ADGRA3: variants seen among roughly 807,000 people sequenced by gnomAD.
ADGRA3 encodes the protein G-protein coupled receptor 125.
In ADGRA3, 56 loss-of-function variants were observed where a neutral mutation model predicts 119.8. The observed-to-expected ratio is 0.47, with a 90% CI of 0.38 to 0.58. The LOEUF is 0.58. Among genes scored for constraint, ADGRA3 ranks in the 20% least tolerant of loss-of-function variants. The pLI, the probability that ADGRA3 is intolerant of heterozygous loss-of-function variation, is 0.00. For synonymous variants in ADGRA3, 607 were observed against 623.8 expected, an observed-to-expected ratio of 0.97 and a Z score of 0.40; for missense variants, 1,516 against 1,649.0, an observed-to-expected ratio of 0.92 and a Z score of 1.40.
Position 22,435,367 on chromosome 4 carries a change from C to A in ADGRA3, c.1387G>T (p.Val463Leu), listed in dbSNP as rs146147575. Residue 463 changes from valine (V) to leucine (L), a missense_variant, in exon 10 of 19, where the codon GTG becomes TTG. Val to Leu is a conservative substitution (Grantham distance 32). Coordinates refer to ENST00000334304, the MANE Select transcript of ADGRA3 (RefSeq NM_145290.4). ...CCAAATTTTTCAATCATTTCTGCCA[C>A]AAATATAACATCCATTTTGTCAGAA... Reference protein sequence around the residue: ...NFSDKMDVIFVAEMIEKFGRF... With the variant: ...NFSDKMDVIFLAEMIEKFGRF... The A allele has an allele frequency of 6.2e-7, 1 of 1,613,538 alleles. No homozygotes were observed. The highest frequency in any genetic ancestry group is 8.5e-7 in the Non-Finnish European group (1 of 1,179,592).
chr4:22,437,756 A>G (rs1716452473), intron 8 of ADGRA3, among the ~76,000 whole-genome samples: 1 of 152,178 alleles, frequency 6.6e-6, no homozygotes, highest in South Asian at 2.1e-4. Context: ...CATTTCCCAA[A>G]GTCCTTCTTG....
intron 14 of ADGRA3, among the ~76,000 whole-genome samples, chr4:22,410,856 A>G (rs1715161712): frequency 6.6e-6 from 1 of 152,174 alleles, no homozygotes; most frequent in African/African-American, 2.4e-5. Flanking sequence ...TACATTTAAG[A>G]AAAGGAAAAA....
chr4:22,511,381 T>G (rs1274620842), intron 1 of ADGRA3, among the ~76,000 whole-genome samples: 5 of 152,172 alleles, frequency 3.3e-5, no homozygotes, highest in African/African-American at 1.2e-4. Context: ...AAAGTCTACC[T>G]GAGACACGGG....
At chr4:22,476,021 G>A (rs1718031455) in intron 1 of ADGRA3, among the ~76,000 whole-genome samples, 1 of 152,034 alleles carries the variant, frequency 6.6e-6, no homozygotes, top group South Asian at 2.1e-4. Context: ...TCCACCACCC[G>A]ACAAAGCTAT....
intron 17 of ADGRA3, among the ~76,000 whole-genome samples, 171 bp from the exon 18 acceptor site, chr4:22,389,354 T>G (rs1412667944): frequency 6.6e-6 from 1 of 152,190 alleles, no homozygotes; most frequent in Admixed American, 6.5e-5. Context: ...GTAATGTGTT[T>G]TTATTTTGTT....
At chr4:22,389,003 C>A (rs1017880791) in intron 18 of ADGRA3, 56 bp from the exon 19 acceptor site, 10 of 1,600,334 alleles carry the variant, frequency 6.2e-6, no homozygotes, top group Middle Eastern at 1.7e-4. Context: ...AAATTATCTA[C>A]GAAATTGCAA....
intron 10 of ADGRA3, among the ~76,000 whole-genome samples, 187 bp downstream of exon 10, chr4:22,435,124 C>T (rs1014908942): frequency 2.6e-5 from 4 of 152,082 alleles, no homozygotes; most frequent in African/African-American, 9.7e-5. Context: ...TCACCTCTCC[C>T]GGTCCCAGCA....
chr4:22,456,812 G>A (rs1170781186), intron 3 of ADGRA3, among the ~76,000 whole-genome samples: 1 of 152,134 alleles, frequency 6.6e-6, no homozygotes, highest in Admixed American at 6.5e-5. Flanking sequence ...TAATTTCATA[G>A]TTCTGCCTTC....
At chr4:22,404,614 T>C (rs116905538) in intron 14 of ADGRA3, among the ~76,000 whole-genome samples, 1 of 152,136 alleles carries the variant, frequency 6.6e-6, no homozygotes, top group South Asian at 2.1e-4. Context: ...TATACAGGGA[T>C]AGACAGAACA....
At chr4:22,502,893 GAAAAA>G (rs71182944) in intron 1 of ADGRA3, among the ~76,000 whole-genome samples, 1 of 120,072 alleles carries the variant, frequency 8.3e-6, no homozygotes. Context: ...CTACTTAAGG[GAAAAA>G]AAAAAAAAAA....
intron 1 of ADGRA3, among the ~76,000 whole-genome samples, chr4:22,479,649 T>C (rs184417315): frequency 1.0e-3 from 152 of 152,204 alleles, no homozygotes; most frequent in Middle Eastern, 6.8e-3. Context: ...TTACTGGGTA[T>C]ATACCCAAAG....
Position 22,516,024 on chromosome 4 carries a change from C to T in ADGRA3, c.-240G>A. 1 of 158,918 alleles carries T rather than the reference C, an allele frequency of 6.3e-6. No individual in the cohort carries two copies. Among genetic ancestry groups the T allele is most frequent in the Non-Finnish European group, 1.3e-5 (1 of 74,086 alleles). The allele number at this position is 158,918 out of a possible 1,614,324, so 9.8% of individuals were successfully genotyped here. Reference sequence around the variant, plus strand: ...GCGCCGCTCTACCGCCCGGCGCGAGCACCGCCTCCTCCTCCTCCTCTGCCG... The same window carrying T: ...GCGCCGCTCTACCGCCCGGCGCGAGTACCGCCTCCTCCTCCTCCTCTGCCG... On this transcript the variant is annotated 5_prime_UTR_variant, in exon 1 of 19. Coordinates refer to ENST00000334304, the MANE Select transcript of ADGRA3 (RefSeq NM_145290.4).
At chr4:22,413,551 C>T in intron 13 of ADGRA3, 50 bp downstream of exon 13, 1 of 1,520,828 alleles carries the variant, frequency 6.6e-7, no homozygotes, top group South Asian at 1.1e-5. Context: ...CAGTCAACTA[C>T]AAGGCCTTAT....
chr4:22,431,581 T>C (rs1467617662), intron 10 of ADGRA3, among the ~76,000 whole-genome samples: 1 of 152,210 alleles, frequency 6.6e-6, no homozygotes, highest in Non-Finnish European at 1.5e-5. Flanking sequence ...CCCTTTTCAC[T>C]TGGCTCTCAT....
intron 4 of ADGRA3, among the ~76,000 whole-genome samples, chr4:22,452,084 A>T (rs925515641): frequency 6.6e-6 from 1 of 152,168 alleles, no homozygotes. Flanking sequence ...AAATTACGAT[A>T]AGCAATGTCA....
At chr4:22,488,042 T>A (rs573676219) in intron 1 of ADGRA3, among the ~76,000 whole-genome samples, 2 of 152,214 alleles carry the variant, frequency 1.3e-5, no homozygotes, top group Admixed American at 1.3e-4. Context: ...AAGTGACAAG[T>A]GATCCCTGCT....
intron 10 of ADGRA3, among the ~76,000 whole-genome samples, chr4:22,433,071 G>T (rs1337077452): frequency 6.6e-6 from 1 of 152,028 alleles, no homozygotes; most frequent in Non-Finnish European, 1.5e-5. Flanking sequence ...GGTTCAAATT[G>T]CCAAAGAACT....
chr4:22,449,226 C>T (rs1436652642), intron 4 of ADGRA3, among the ~76,000 whole-genome samples: 3 of 150,934 alleles, frequency 2.0e-5, no homozygotes, highest in East Asian at 2.0e-4. Flanking sequence ...GCCAGGACTG[C>T]AGCACTGCAC....
intron 16 of ADGRA3, among the ~76,000 whole-genome samples, chr4:22,398,654 T>C (rs1296932061): frequency 1.3e-5 from 2 of 152,156 alleles, no homozygotes; most frequent in Non-Finnish European, 2.9e-5. Context: ...AAAAAACAAA[T>C]GGTGAATGTT....
Sources: gnomAD v4.1 joint callset for allele counts (sites outside exome capture counted in the v4.1 genomes callset) on GRCh38, gnomAD v4.1.1 for gene constraint, MANE v1.5 for transcripts, NCBI Gene and HGNC (gene_info 2026-07-23, HGNC 2026-07-21) for gene names.